Variants in VIPAS39 observed in about 807,000 individuals in gnomAD.
The protein encoded by VIPAS39 is VPS33B interacting protein, apical-basolateral polarity regulator, spe-39 homolog.
A neutral mutation model predicts 84.7 loss-of-function variants in VIPAS39; 63 were observed. That is an observed-to-expected ratio of 0.74 (90% CI 0.61 to 0.92). The LOEUF is 0.92. VIPAS39 is among the 40% of genes least tolerant of loss of function. The pLI is 0.00. For synonymous variants in VIPAS39, 192 were observed against 216.5 expected (o/e 0.89, Z 0.99); for missense variants, 499 against 604.5 (o/e 0.83, Z 1.83).
intron 16 of VIPAS39, among the ~76,000 whole-genome samples, chr14:77,431,024 C>A (rs1331024136): frequency 6.6e-6 from 1 of 152,118 alleles, no homozygotes; most frequent in East Asian, 1.9e-4. Flanking sequence ...TTACACCATA[C>A]ACAAAAATCA....
At chr14:77,457,161 A>G in intron 1 of VIPAS39, 1 of 1,444,276 alleles carries the variant, frequency 6.9e-7, no homozygotes, top group Non-Finnish European at 9.1e-7. Context: ...TTGTGAACTG[A>G]GACCAGGGAA....
At chr14:77,441,352 C>T (rs2078700545) in intron 10 of VIPAS39, among the ~76,000 whole-genome samples, 1 of 145,282 alleles carries the variant, frequency 6.9e-6, no homozygotes, top group Admixed American at 7.1e-5. Context: ...CTACTCTAGC[C>T]CACAGAAAAC....
At position 77,430,272 on chromosome 14, in the gene VIPAS39, G is replaced by T. The variant is rs148329711; in HGVS notation, c.1180-505C>A. Among the ~76,000 whole-genome samples the T allele has an allele frequency of 9.1e-4, 138 of 152,266 alleles. 3 individuals are homozygous for T. The East Asian group carries it at 0.026, about 28-fold the overall frequency. ...TTGATTTTGACAACAGACACATATTGCTTTGTTAATATAACTAATTAAATA... is the reference window on the plus strand; with the variant it reads ...TTGATTTTGACAACAGACACATATTTCTTTGTTAATATAACTAATTAAATA... On this transcript the variant is annotated intron_variant, in intron 16 of 19. Transcript: ENST00000557658.
chr14:77,444,083 C>T (rs1241575391), intron 8 of VIPAS39, among the ~76,000 whole-genome samples, 166 bp downstream of exon 8: 1 of 151,200 alleles, frequency 6.6e-6, no homozygotes, highest in Admixed American at 6.6e-5. Context: ...GTGCATGTGG[C>T]ACCAGCTAAG....
intron 4 of VIPAS39, among the ~76,000 whole-genome samples, chr14:77,450,074 C>G (rs547706947): frequency 6.6e-6 from 1 of 152,134 alleles, no homozygotes; most frequent in Non-Finnish European, 1.5e-5. Context: ...TTCATCATCC[C>G]AAACTGAGAC....
chr14:77,435,806 G>C, intron 13 of VIPAS39, 38 bp downstream of exon 13: 5 of 1,604,932 alleles, frequency 3.1e-6, no homozygotes, highest in Non-Finnish European at 4.3e-6. Context: ...ACTGAGCCTT[G>C]GCACTGAAGC....
At chr14:77,443,923 C>T (rs2078743337) in intron 8 of VIPAS39, among the ~76,000 whole-genome samples, 1 of 151,552 alleles carries the variant, frequency 6.6e-6, no homozygotes, top group African/African-American at 2.4e-5. Flanking sequence ...CACCTGTGGT[C>T]CCAGCTACTC....
intron 1 of VIPAS39, chr14:77,457,165 C>T: frequency 6.9e-7 from 1 of 1,448,140 alleles, no homozygotes; most frequent in Non-Finnish European, 9.0e-7. Flanking sequence ...GAACTGAGAC[C>T]AGGGAACAAG....
chr14:77,456,181 T>A (rs180991214), intron 1 of VIPAS39, among the ~76,000 whole-genome samples: 2 of 152,334 alleles, frequency 1.3e-5, no homozygotes, highest in East Asian at 3.9e-4. Context: ...TAAATGGGCA[T>A]AACAGATGAC....
intron 14 of VIPAS39, 170 bp downstream of exon 14, chr14:77,435,089 C>A: frequency 1.0e-6 from 1 of 988,124 alleles, no homozygotes; most frequent in South Asian, 1.4e-5. Flanking sequence ...TCTTTTCCCT[C>A]CTGGCCAGAT....
Position 77,433,885 on chromosome 14 carries a change from T to C in VIPAS39, c.1136A>G (p.Lys379Arg). ...ATCTACATCATTCCAGGCTCGAAGC[T>C]TGGCACGAGCAGCCAGGGCTGTCAG... ...YVLTALAARA[K>R]LRAWNDVDAL... The change falls in exon 16 of 20, where the codon AAG becomes AGG. Residue 379 changes from lysine (K) to arginine (R), a missense_variant. By Grantham distance (26) the Lys-to-Arg change is conservative. Coordinates refer to ENST00000557658, the MANE Select transcript of VIPAS39 (RefSeq NM_001193315.2). 2 of 1,614,068 alleles carry C rather than the reference T, an allele frequency of 1.2e-6. No homozygotes were observed. The highest frequency in any genetic ancestry group is 2.2e-5 in the East Asian group (1 of 44,870).
intron 8 of VIPAS39, 32 bp downstream of exon 8, chr14:77,444,213 ATAAT>A (rs1566732501): frequency 1.3e-6 from 2 of 1,591,410 alleles, no homozygotes; most frequent in East Asian, 2.2e-5. Flanking sequence ...AGTGAAAACA[ATAAT>A]TAAACAAACA....
At chr14:77,452,313 A>G (rs1272304697) in intron 3 of VIPAS39, among the ~76,000 whole-genome samples, 1 of 152,190 alleles carries the variant, frequency 6.6e-6, no homozygotes, top group Admixed American at 6.5e-5. Flanking sequence ...ATGAATACAC[A>G]GGAACCAAGC....
intron 11 of VIPAS39, chr14:77,440,212 T>G (rs1182190823): frequency 2.6e-5 from 4 of 151,978 alleles, no homozygotes; most frequent in African/African-American, 7.2e-5. Context: ...CAAGTTTTTT[T>G]TTTTTTTTTT....
chr14:77,437,232 A>C (rs1438328758), intron 12 of VIPAS39, among the ~76,000 whole-genome samples: 1 of 152,230 alleles, frequency 6.6e-6, no homozygotes, highest in Non-Finnish European at 1.5e-5. Context: ...ATTTCAGCTT[A>C]ACGTAAGGAA....
rs540818114 is a variant in VIPAS39 at position 77,448,728 on chromosome 14, G to C, written c.448-178C>G. 4.1e-4 allele frequency among the ~76,000 whole-genome samples: 63 copies of C among 152,322 alleles called. 1 individual carries two copies. Among genetic ancestry groups the C allele is most frequent in the African/African-American group, 1.5e-3 (62 of 41,578 alleles). On this transcript the variant is annotated intron_variant, in intron 6 of 19. Transcript: ENST00000557658. Reference sequence around the variant, plus strand: ...TTGTTTTGAGTTTCTGAAGGAACTAGAGCAGGGGCAATATAGATAGGAGGA... The same window carrying C: ...TTGTTTTGAGTTTCTGAAGGAACTACAGCAGGGGCAATATAGATAGGAGGA...
At position 77,447,840 on chromosome 14, in the gene VIPAS39, T is replaced by G. The variant is rs1249989727; in HGVS notation, c.504+654A>C. 4.6e-5 allele frequency among the ~76,000 whole-genome samples: 7 copies of G among 151,396 alleles called. No homozygotes were observed. In the East Asian group the frequency reaches 1.2e-3, roughly 25 times the overall value. Reference sequence around the variant, plus strand: ...CACGCCCGCCTAATTTTTTGTATTTTTAGTAGAGATGGGGTTTCACCATGT... The same window carrying G: ...CACGCCCGCCTAATTTTTTGTATTTGTAGTAGAGATGGGGTTTCACCATGT... On this transcript the variant is annotated intron_variant, in intron 7 of 19. Coordinates refer to ENST00000557658, the MANE Select transcript of VIPAS39 (RefSeq NM_001193315.2).
chr14:77,448,499 C>T lies in VIPAS39; in HGVS notation c.499G>A (p.Gly167Ser). ...PSDTVRRLRK[G>S]KVCSLERFRS... is the part of the protein sequence containing the mutation. ...CAAAAATTCTCTGTCCTTACCTTGC[C>T]CTTCCGGAGACGTCGCACTGTATCA... The change falls in exon 7 of 20, where the codon GGC becomes AGC. Residue 167 changes from glycine (G) to serine (S), a missense_variant. Coordinates refer to ENST00000557658, the MANE Select transcript of VIPAS39 (RefSeq NM_001193315.2). 1 of 1,614,158 alleles carries T rather than the reference C, an allele frequency of 6.2e-7. No homozygotes were observed. Among genetic ancestry groups the T allele is most frequent in the Admixed American group, 1.7e-5 (1 of 60,002 alleles).
intron 16 of VIPAS39, among the ~76,000 whole-genome samples, chr14:77,432,765 A>G (rs2078543220): frequency 6.6e-6 from 1 of 152,200 alleles, no homozygotes; most frequent in South Asian, 2.1e-4. Flanking sequence ...AGGTCAAAGG[A>G]TACAAAGTTG....
Sources: gnomAD v4.1 joint callset for allele counts (sites outside exome capture counted in the v4.1 genomes callset) on GRCh38, gnomAD v4.1.1 for gene constraint, MANE v1.5 for transcripts, NCBI Gene and HGNC (gene_info 2026-07-23, HGNC 2026-07-21) for gene names.